The following NPAS3 variants were observed in gnomAD, a reference collection of about 807,000 sequenced individuals.
The protein encoded by NPAS3 is neuronal PAS domain protein 3.
NPAS3 carries 14 observed loss-of-function variants against 73.1 expected under a neutral mutation model. The observed-to-expected ratio is 0.19, with a 90% CI of 0.13 to 0.30. The LOEUF is 0.30. Among genes scored for constraint, NPAS3 ranks in the 10% least tolerant of loss-of-function variants. The pLI is 1.00. For missense variants in NPAS3, 1,096 were observed against 1,250.0 expected (o/e 0.88, Z 1.86); for synonymous variants, 620 against 541.5 (o/e 1.14, Z -2.01).
chr14:33,591,902 A>G (rs1595228033), intron 5 of NPAS3, among the ~76,000 whole-genome samples: 2 of 152,318 alleles, frequency 1.3e-5, no homozygotes, highest in East Asian at 3.9e-4. Flanking sequence ...TGTGCACATT[A>G]AAAGAAACCA....
chr14:33,248,425 G>A (rs2048465440), intron 3 of NPAS3, among the ~76,000 whole-genome samples: 1 of 152,142 alleles, frequency 6.6e-6, no homozygotes, highest in Non-Finnish European at 1.5e-5. Flanking sequence ...TTATTCCAGT[G>A]TTCACTTGAA....
At chr14:33,394,626 TAGC>T (rs2047145896) in intron 4 of NPAS3, among the ~76,000 whole-genome samples, 1 of 152,190 alleles carries the variant, frequency 6.6e-6, no homozygotes, top group Non-Finnish European at 1.5e-5. Flanking sequence ...ATTTTCATGT[TAGC>T]AGGATCTACA....
At chr14:32,992,974 G>A (rs1268281733) in intron 1 of NPAS3, among the ~76,000 whole-genome samples, 1 of 152,154 alleles carries the variant, frequency 6.6e-6, no homozygotes, top group East Asian at 1.9e-4. Flanking sequence ...GGCCAACATG[G>A]TGAAACCCTG....
chr14:33,088,512 G>T (rs1341646099), intron 2 of NPAS3, among the ~76,000 whole-genome samples: 1 of 152,228 alleles, frequency 6.6e-6, no homozygotes, highest in Non-Finnish European at 1.5e-5. Flanking sequence ...CCATTGCTGA[G>T]GCTTGAGTAG....
chr14:33,069,463 G>A (rs6571576), intron 2 of NPAS3, among the ~76,000 whole-genome samples: 19,174 of 152,150 alleles, frequency 0.13, 1,325 homozygotes, highest in East Asian at 0.2. Context: ...TGAGCAGTGC[G>A]GAATGCAATA....
chr14:33,043,991 C>T (rs2040424264), intron 1 of NPAS3, among the ~76,000 whole-genome samples: 1 of 152,164 alleles, frequency 6.6e-6, no homozygotes, highest in African/African-American at 2.4e-5. Context: ...ATATTTCTTA[C>T]ATTTGACTCT....
chr14:32,960,610 TTACTC>T (rs1461459113), intron 1 of NPAS3, among the ~76,000 whole-genome samples: 1 of 152,226 alleles, frequency 6.6e-6, no homozygotes, highest in Non-Finnish European at 1.5e-5. Context: ...ATTTTCTTCA[TTACTC>T]TACCAATTAG....
intron 6 of NPAS3, among the ~76,000 whole-genome samples, chr14:33,711,275 G>T (rs2060810790): frequency 6.6e-6 from 1 of 152,186 alleles, no homozygotes; most frequent in African/African-American, 2.4e-5. Context: ...AATTCAGCAT[G>T]CAGTATGCCT....
intron 5 of NPAS3, among the ~76,000 whole-genome samples, chr14:33,675,297 A>G (rs1004405961): frequency 2.0e-5 from 3 of 152,192 alleles, no homozygotes; most frequent in Non-Finnish European, 4.4e-5. Flanking sequence ...TACAGAGGTA[A>G]GGCCAGTCCT....
chr14:33,439,227 A>G (rs1180433405), intron 4 of NPAS3, among the ~76,000 whole-genome samples: 2 of 152,212 alleles, frequency 1.3e-5, no homozygotes, highest in Non-Finnish European at 2.9e-5. Flanking sequence ...AAGCTATGAT[A>G]GAGAGAGACT....
At chr14:33,021,039 C>T (rs1257826797) in intron 1 of NPAS3, among the ~76,000 whole-genome samples, 1 of 152,202 alleles carries the variant, frequency 6.6e-6, no homozygotes, top group Non-Finnish European at 1.5e-5. Context: ...CAGGGCATTA[C>T]AGGCGTGAGC....
chr14:33,219,356 C>G (rs2047339908), intron 3 of NPAS3, among the ~76,000 whole-genome samples: 1 of 152,186 alleles, frequency 6.6e-6, no homozygotes, highest in African/African-American at 2.4e-5. Context: ...TGCTGCAACT[C>G]TATTAATCTA....
At chr14:33,738,554 G>T (rs1229073062) in intron 7 of NPAS3, among the ~76,000 whole-genome samples, 1 of 152,122 alleles carries the variant, frequency 6.6e-6, no homozygotes, top group Non-Finnish European at 1.5e-5. Flanking sequence ...CCATCACCAA[G>T]AATTCTAGCC....
chr14:33,038,891 G>T (rs185433295), intron 1 of NPAS3, among the ~76,000 whole-genome samples: 4 of 152,310 alleles, frequency 2.6e-5, no homozygotes, highest in Non-Finnish European at 1.5e-5. Context: ...GAGTTCATCA[G>T]TTATCTTAGG....
At chr14:33,398,870 AT>A (rs544941463) in intron 4 of NPAS3, among the ~76,000 whole-genome samples, 16 of 151,318 alleles carry the variant, frequency 1.1e-4, no homozygotes, top group South Asian at 4.2e-4. Flanking sequence ...GTACAAAGTC[AT>A]TTTTTTTTAT....
chr14:33,080,931 T>C (rs549168968), intron 2 of NPAS3, among the ~76,000 whole-genome samples: 1 of 152,356 alleles, frequency 6.6e-6, no homozygotes, highest in African/African-American at 2.4e-5. Context: ...GTCTAAATAC[T>C]ATTTCCTGAA....
chr14:33,762,849 G>T (rs2062338207), intron 7 of NPAS3, among the ~76,000 whole-genome samples: 1 of 152,204 alleles, frequency 6.6e-6, no homozygotes, highest in African/African-American at 2.4e-5. Flanking sequence ...ATGCTGAATA[G>T]ATAATAACCT....
At chr14:33,350,185 T>A (rs897500025) in intron 3 of NPAS3, among the ~76,000 whole-genome samples, 2 of 152,180 alleles carry the variant, frequency 1.3e-5, no homozygotes, top group East Asian at 3.9e-4. Context: ...TGAAATTACC[T>A]CGGGCCATTT....
intron 3 of NPAS3, among the ~76,000 whole-genome samples, chr14:33,236,791 C>T (rs2048049697): frequency 6.6e-6 from 1 of 152,020 alleles, no homozygotes. Context: ...TGGAAAAATT[C>T]ATATATTCAA....
Sources: gnomAD v4.1 joint callset for allele counts (sites outside exome capture counted in the v4.1 genomes callset) on GRCh38, gnomAD v4.1.1 for gene constraint, MANE v1.5 for transcripts, NCBI Gene and HGNC (gene_info 2026-07-23, HGNC 2026-07-21) for gene names.